The following DDX3X variants were observed in gnomAD, a reference collection of about 807,000 sequenced individuals.
DDX3X encodes the protein DEAD-box helicase 3 X-linked, also known as ATP-dependent RNA helicase DDX3X.
Under a neutral mutation model 52.7 loss-of-function variants are expected in DDX3X, and 4 were observed. That is an observed-to-expected ratio of 0.08 (90% CI 0.04 to 0.17). The LOEUF (loss-of-function observed/expected upper bound fraction) is 0.17, where lower values mean the gene tolerates loss of function less well. DDX3X is among the 10% of genes least tolerant of loss of function. The pLI, the probability that DDX3X is intolerant of heterozygous loss-of-function variation, is 1.00. For missense variants in DDX3X, 222 were observed against 548.6 expected, an observed-to-expected ratio of 0.40 and a Z score of 5.95; for synonymous variants, 192 against 178.1, an observed-to-expected ratio of 1.08 and a Z score of -0.62.
chrX:41,340,691 A>T (rs987834752), intron 3 of DDX3X: 15 of 288,707 alleles, frequency 5.2e-5, no homozygotes, highest in African/African-American at 4.1e-4. Context: ...TAATACTACA[A>T]TTTGACATTA....
chrX:41,352,263 C>T (rs2063991888), downstream of DDX3X, among the ~76,000 whole-genome samples: 1 of 111,609 alleles, frequency 9.0e-6, no homozygotes, highest in African/African-American at 3.3e-5. Context: ...AGATGTATAT[C>T]CAGTTTTAGT....
chrX:41,335,703 ATTT>A (rs2063756692), intron 1 of DDX3X: 4 of 112,265 alleles, frequency 3.6e-5, no homozygotes, highest in Non-Finnish European at 5.6e-5. Context: ...CATATGTAAT[ATTT>A]TTTAGGAATT....
At chrX:41,359,336 G>A (rs1034331349) in intron 5 of DDX3X, among the ~76,000 whole-genome samples, 4 of 111,767 alleles carry the variant, frequency 3.6e-5, no homozygotes, top group African/African-American at 1.3e-4. Flanking sequence ...GCCGGGCATC[G>A]TGGCTCATGC....
chrX:41,341,026 C>A (rs1312173690), intron 3 of DDX3X: 6 of 222,368 alleles, frequency 2.7e-5, no homozygotes, highest in Non-Finnish European at 4.8e-5. Context: ...ACTCTTGTTT[C>A]CCGTGCTGGA....
chrX:41,363,219 G>A (rs1317289414), intron 5 of DDX3X, among the ~76,000 whole-genome samples: 1 of 110,311 alleles, frequency 9.1e-6, no homozygotes, highest in East Asian at 2.9e-4. Flanking sequence ...GAGGTCAGGA[G>A]TTCAAGACCA....
chrX:41,358,278 A>G (rs2064016890), intron 5 of DDX3X, among the ~76,000 whole-genome samples: 1 of 108,390 alleles, frequency 9.2e-6, no homozygotes, highest in African/African-American at 3.4e-5. Flanking sequence ...GAGTTTCTCC[A>G]TGTTGGTCAG....
chrX:41,344,059 A>G lies in DDX3X; in HGVS notation c.795A>G (p.Gln265=). ...KENGRYGRRK[Q]YPISLVLAPT... is the part of the protein sequence containing the mutation. ...ATGGAAGGTATGGGCGCCGCAAACA[A>G]TACCCAATCTCCTTGGTATTAGCAC... Residue 265 remains glutamine (Q), a synonymous_variant, in exon 9 of 17, where the codon CAA becomes CAG. Transcript: ENST00000644876. 4 of 1,208,195 alleles carry G rather than the reference A, an allele frequency of 3.3e-6. No individual in the cohort carries two copies. Among genetic ancestry groups the G allele is most frequent in the Non-Finnish European group, 4.5e-6 (4 of 894,262 alleles).
At chrX:41,351,218 A>G (rs1043358319), downstream of DDX3X, 10 of 111,787 alleles carry the variant, frequency 8.9e-5, no homozygotes, top group South Asian at 3.7e-4. Context: ...GAACATGACA[A>G]TCTGCTCTGG....
chrX:41,334,673 T>G (rs767097358), intron 1 of DDX3X: 1 of 1,033,247 alleles, frequency 9.7e-7, no homozygotes, highest in Non-Finnish European at 1.3e-6. Flanking sequence ...GGAGGCCCTT[T>G]TGGCTTGGAG....
At chrX:41,334,816 G>A in intron 1 of DDX3X, 1 of 878,086 alleles carries the variant, frequency 1.1e-6, no homozygotes, top group Non-Finnish European at 1.4e-6. Flanking sequence ...TTCGCTCGGG[G>A]TAATGGCGGC....
At chrX:41,352,318 T>C (rs2063992164), downstream of DDX3X, among the ~76,000 whole-genome samples, 1 of 111,959 alleles carries the variant, frequency 8.9e-6, no homozygotes, top group Non-Finnish European at 1.9e-5. Context: ...GTTTATTGGA[T>C]ATTTACTGTC....
rs183670578 is a variant in DDX3X at position 41,356,037 on chromosome X, C to A, written c.655-8237C>A. Among the ~76,000 whole-genome samples, 3 of 110,607 alleles carry A rather than the reference C, an allele frequency of 2.7e-5. No homozygotes were observed. The East Asian group carries it at 8.4e-4, about 31-fold the overall frequency. ...TTGACAGCTTGCAAATATTTTCTCT[C>A]AATCAAAGTCGTCTTTTCATCTTAA... On this transcript the variant is annotated intron_variant, in intron 5 of 5. Transcript: ENST00000616050.
intron 8 of DDX3X, 32 bp downstream of exon 8, chrX:41,343,854 A>G: frequency 3.6e-6 from 4 of 1,126,758 alleles, no homozygotes; most frequent in Non-Finnish European, 4.9e-6. Context: ...GGGAAATTGT[A>G]GAACTTTGTA....
chrX:41,359,596 C>CAAAAAAAA (rs397895766), intron 5 of DDX3X, among the ~76,000 whole-genome samples: 10 of 52,548 alleles, frequency 1.9e-4, no homozygotes, highest in Non-Finnish European at 3.2e-4. Flanking sequence ...GATTCCATCT[C>CAAAAAAAA]AAAAAAAAAA....
rs1569239303 is a variant in DDX3X, at chrX:41,345,380, TAATA to T, written c.1171-21_1171-18del. On this transcript the variant is annotated intron_variant, in intron 11 of 16. Coordinates refer to ENST00000644876, the MANE Select transcript of DDX3X (RefSeq NM_001356.5). Reference sequence around the variant, plus strand: ...TTAGAAATTTGTTTATCTCAGGTAATAATAAAAATTTTTTTTCTTTCAGATGCTG... The same window carrying T: ...TTAGAAATTTGTTTATCTCAGGTAATAAAATTTTTTTTCTTTCAGATGCTG... 1 of 1,195,426 alleles carries T rather than the reference TAATA, an allele frequency of 8.4e-7. No individual in the cohort carries two copies.
chrX:41,350,775 A>G (rs2063978535), downstream of DDX3X: 2 of 111,805 alleles, frequency 1.8e-5, no homozygotes, highest in South Asian at 3.7e-4. Flanking sequence ...AAAACAGGTA[A>G]TAAGACATCT....
At chrX:41,339,114 A>AT (rs770421103) in intron 3 of DDX3X, 31 bp downstream of exon 3, 3 of 933,676 alleles carry the variant, frequency 3.2e-6, no homozygotes, top group Non-Finnish European at 4.3e-6. Context: ...TCGTAGGTCT[A>AT]TTTTTTGCCT....
In DDX3X at chrX:41,350,236, A is replaced by C. The variant is rs1015666690; in HGVS notation, c.*2517A>C. 1 of 112,122 alleles carries C rather than the reference A, an allele frequency of 8.9e-6. No homozygotes were observed. The highest frequency in any genetic ancestry group is 3.6e-4 in the South Asian group (1 of 2,745). 9.2% of individuals were successfully genotyped at this position (112,122 alleles called of 1,213,427 possible). ...CCTTTGTTGTTGTCAATTGTGGTTTATTTTCAGAGGTGTAAATAAAGTGCT... is the reference window on the plus strand; with the variant it reads ...CCTTTGTTGTTGTCAATTGTGGTTTCTTTTCAGAGGTGTAAATAAAGTGCT... On this transcript the variant is annotated 3_prime_UTR_variant, in exon 17 of 17. Transcript: ENST00000644876.
chrX:41,350,889 T>TA (rs1182943223), downstream of DDX3X: 2 of 112,166 alleles, frequency 1.8e-5, no homozygotes, highest in Admixed American at 9.5e-5. Context: ...ATCTAACAAA[T>TA]ACGTATTCAG....
Sources: allele counts gnomAD v4.1 joint callset (sites outside exome capture counted in the v4.1 genomes callset), GRCh38; gene constraint gnomAD v4.1.1; transcripts MANE v1.5; gene names NCBI Gene and HGNC (gene_info 2026-07-23, HGNC 2026-07-21).